Variants in PARD3 observed in about 807,000 individuals in gnomAD.
PARD3 encodes the protein par-3 family cell polarity regulator.
PARD3 carries 75 observed loss-of-function variants against 155.4 expected under a neutral mutation model. The observed-to-expected ratio is 0.48, with a 90% confidence interval of 0.40 to 0.58. PARD3 has a LOEUF of 0.58. Among genes scored for constraint, PARD3 ranks in the 20% least tolerant of loss-of-function variants. The probability of loss-of-function intolerance (pLI) is 0.00; values close to 1 mark genes in which losing one functional copy is unlikely to be tolerated. For synonymous variants in PARD3, 576 were observed against 610.5 expected, an observed-to-expected ratio of 0.94 and a Z score of 0.83; for missense variants, 1,642 against 1,721.7, an observed-to-expected ratio of 0.95 and a Z score of 0.82.
chr10:34,569,600 G>A (rs560519667), intron 2 of PARD3, among the ~76,000 whole-genome samples: 1 of 151,982 alleles, frequency 6.6e-6, no homozygotes, highest in Non-Finnish European at 1.5e-5. Context: ...TGTATTTTTA[G>A]TAGAGACGGG....
At chr10:34,494,449 T>C (rs112358180) in intron 3 of PARD3, among the ~76,000 whole-genome samples, 1,669 of 152,290 alleles carry the variant, frequency 0.011, 30 homozygotes, top group African/African-American at 0.038. Flanking sequence ...TTTTTAAGCA[T>C]GGAGGTAGAA....
At chr10:34,197,402 C>T (rs1025579565) in intron 22 of PARD3, among the ~76,000 whole-genome samples, 13 of 152,162 alleles carry the variant, frequency 8.5e-5, no homozygotes, top group Admixed American at 2.0e-4. Flanking sequence ...TAGGACTACA[C>T]GTTCTCCTCT....
intron 20 of PARD3, among the ~76,000 whole-genome samples, chr10:34,290,564 C>T (rs1461832634): frequency 6.6e-6 from 1 of 152,210 alleles, no homozygotes; most frequent in Non-Finnish European, 1.5e-5. Flanking sequence ...CACATATCCT[C>T]TGCAAATGCC....
At chr10:34,297,959 T>G (rs1372996578) in intron 20 of PARD3, among the ~76,000 whole-genome samples, 2 of 152,250 alleles carry the variant, frequency 1.3e-5, no homozygotes, top group Non-Finnish European at 2.9e-5. Flanking sequence ...GCATGGCCTC[T>G]GGAGCCAGAA....
intron 1 of PARD3, among the ~76,000 whole-genome samples, chr10:34,789,737 T>A (rs1233462867): frequency 7.6e-6 from 1 of 131,568 alleles, no homozygotes; most frequent in Non-Finnish European, 1.6e-5. Context: ...GCATTTGTAT[T>A]TATATATACA....
At chr10:34,598,286 C>T (rs1448697231) in intron 2 of PARD3, among the ~76,000 whole-genome samples, 3 of 107,700 alleles carry the variant, frequency 2.8e-5, no homozygotes, top group African/African-American at 7.3e-5. Context: ...AACACAAAGA[C>T]ACAATTACCA....
chr10:34,760,337 TTTTG>T (rs1176346903), intron 1 of PARD3, among the ~76,000 whole-genome samples: 6 of 152,232 alleles, frequency 3.9e-5, no homozygotes, highest in Non-Finnish European at 7.4e-5. Context: ...CTACTACTTT[TTTTG>T]TTTGTTTTGA....
At chr10:34,624,371 A>C (rs1446079106) in intron 2 of PARD3, among the ~76,000 whole-genome samples, 3 of 152,218 alleles carry the variant, frequency 2.0e-5, no homozygotes, top group Non-Finnish European at 4.4e-5. Flanking sequence ...GGTAAAAAAA[A>C]CCACAACGAA....
intron 2 of PARD3, among the ~76,000 whole-genome samples, chr10:34,648,500 A>G (rs1304167955): frequency 1.3e-5 from 2 of 152,078 alleles, no homozygotes; most frequent in African/African-American, 4.8e-5. Flanking sequence ...TTTTCCACAA[A>G]TGGGGGCTTG....
At chr10:34,441,775 T>G (rs1436337104) in intron 5 of PARD3, among the ~76,000 whole-genome samples, 1 of 152,190 alleles carries the variant, frequency 6.6e-6, no homozygotes, top group Non-Finnish European at 1.5e-5. Flanking sequence ...ATAGGGTGTT[T>G]TGATCATTGT....
intron 7 of PARD3, among the ~76,000 whole-genome samples, chr10:34,394,452 A>AG (rs2132119688): frequency 6.6e-6 from 1 of 152,274 alleles, no homozygotes; most frequent in East Asian, 1.9e-4. Flanking sequence ...CAGCCTCCCA[A>AG]GTGGCTGGGA....
chr10:34,246,760 AATACCCAGGGTATTCAGT>A (rs994415671), intron 22 of PARD3, among the ~76,000 whole-genome samples: 1 of 152,128 alleles, frequency 6.6e-6, no homozygotes, highest in African/African-American at 2.4e-5. Flanking sequence ...GCATGGACTG[AATACCCAGGGTATTCAGT>A]CAAGGAGGGC....
At chr10:34,696,265 T>A (rs2094170558) in intron 2 of PARD3, 53 bp downstream of exon 2, 4 of 909,692 alleles carry the variant, frequency 4.4e-6, no homozygotes, top group Non-Finnish European at 3.5e-6. Context: ...CGCTCCCTAG[T>A]CCTCAAAAAA....
intron 1 of PARD3, among the ~76,000 whole-genome samples, chr10:34,805,751 C>G (rs1229570290): frequency 6.6e-6 from 1 of 151,730 alleles, no homozygotes; most frequent in Non-Finnish European, 1.5e-5. Context: ...CTGAGACAGG[C>G]GGATCACGAG....
intron 5 of PARD3, among the ~76,000 whole-genome samples, chr10:34,448,849 A>G (rs2076899783): frequency 6.6e-6 from 1 of 151,974 alleles, no homozygotes. Context: ...TGCCAACAGA[A>G]TAGATCTCAA....
At chr10:34,257,546 C>T (rs1954721058) in intron 22 of PARD3, among the ~76,000 whole-genome samples, 1 of 152,182 alleles carries the variant, frequency 6.6e-6, no homozygotes, top group Non-Finnish European at 1.5e-5. Flanking sequence ...GGCCTAAAAT[C>T]TCTTTAAAGA....
intron 1 of PARD3, among the ~76,000 whole-genome samples, chr10:34,714,909 G>A (rs935707476): frequency 2.7e-5 from 4 of 150,226 alleles, no homozygotes; most frequent in Non-Finnish European, 5.9e-5. Context: ...CGAATAGCTG[G>A]GACTATAGGC....
At chr10:34,814,645 A>AGGGCGG (rs972429684) in intron 1 of PARD3, among the ~76,000 whole-genome samples, 3 of 151,592 alleles carry the variant, frequency 2.0e-5, no homozygotes, top group Non-Finnish European at 4.4e-5. Context: ...GCGGAGGGTG[A>AGGGCGG]GGGCGGGGGC....
chr10:34,349,580 T>TAAAAAAAAAAAAAAAAAAAAAA, intron 14 of PARD3, among the ~76,000 whole-genome samples: 1 of 44,708 alleles, frequency 2.2e-5, no homozygotes, highest in African/African-American at 1.1e-4. Flanking sequence ...TCTGGGAAAG[T>TAAAAAAAAAAAAAAAAAAAAAA]AAAAAAAAAA....
Sources: allele counts gnomAD v4.1 joint callset (sites outside exome capture counted in the v4.1 genomes callset), GRCh38; gene constraint gnomAD v4.1.1; transcripts MANE v1.5; gene names NCBI Gene and HGNC (gene_info 2026-07-23, HGNC 2026-07-21).